LPP: variants seen among roughly 807,000 people sequenced by gnomAD.
LPP encodes the protein lipoma-preferred partner.
LPP carries 38 observed loss-of-function variants against 60.4 expected under a neutral mutation model. That is an observed-to-expected ratio of 0.63 (90% CI 0.49 to 0.83). The LOEUF is 0.83. Among genes scored for constraint, LPP ranks in the 40% least tolerant of loss-of-function variants. The pLI is 0.00. For synonymous variants in LPP, 328 were observed against 290.8 expected, an observed-to-expected ratio of 1.13 and a Z score of -1.30; for missense variants, 902 against 783.6, an observed-to-expected ratio of 1.15 and a Z score of -1.80.
chr3:188,259,507 C>A (rs1350023105), intron 2 of LPP, among the ~76,000 whole-genome samples: 1 of 152,224 alleles, frequency 6.6e-6, no homozygotes, highest in Non-Finnish European at 1.5e-5. Flanking sequence ...TTCCACACTG[C>A]ATTGAGCAGG....
chr3:188,462,582 ATATGCATGTGTGTGTG>A (rs1799321732), intron 4 of LPP, among the ~76,000 whole-genome samples: 1 of 42,370 alleles, frequency 2.4e-5, no homozygotes, highest in African/African-American at 7.7e-5. Context: ...ATATATATAT[ATATGCATGTGTGTGTG>A]TGTGTGTGTG....
intron 6 of LPP, among the ~76,000 whole-genome samples, chr3:188,537,412 T>C (rs1163402468): frequency 1.3e-5 from 2 of 152,230 alleles, no homozygotes; most frequent in African/African-American, 4.8e-5. Flanking sequence ...TTGAAAGTTG[T>C]GACTAATTAA....
intron 4 of LPP, among the ~76,000 whole-genome samples, chr3:188,483,677 G>A (rs1805463892): frequency 6.6e-6 from 1 of 152,040 alleles, no homozygotes; most frequent in Non-Finnish European, 1.5e-5. Flanking sequence ...CAATAACTCT[G>A]ACAGCAGTGT....
chr3:188,441,950 G>A (rs1015504443), intron 4 of LPP, among the ~76,000 whole-genome samples: 1 of 151,940 alleles, frequency 6.6e-6, no homozygotes, highest in Non-Finnish European at 1.5e-5. Flanking sequence ...TTCTAATTGC[G>A]TATGTGTGTA....
chr3:188,363,490 T>C (rs775813191), intron 3 of LPP, among the ~76,000 whole-genome samples: 1 of 152,238 alleles, frequency 6.6e-6, no homozygotes, highest in Non-Finnish European at 1.5e-5. Flanking sequence ...GAGTTTCATA[T>C]TTCCATCAAG....
Position 188,889,500 on chromosome 3 carries a change from T to C in LPP, c.*15021T>C, listed in dbSNP as rs1453016245. 4 of 230,658 alleles carry C rather than the reference T, an allele frequency of 1.7e-5. No individual in the cohort carries two copies. The highest frequency in any genetic ancestry group is 6.1e-5 in the East Asian group (1 of 16,346). The allele number at this position is 230,658 out of a possible 1,614,324, so 14.3% of individuals were successfully genotyped here. ...TCAGTTGGCTCCATATTCACTTGAA[T>C]ATGCCTCTGTTTGGGCAAAGCAAGA... On this transcript the variant is annotated 3_prime_UTR_variant, in exon 12 of 12. Transcript: ENST00000617246.
Position 188,609,140 on chromosome 3 carries a change from T to G in LPP, c.430-21T>G, listed in dbSNP as rs746605649. The G allele has an allele frequency of 3.9e-6, 6 of 1,541,134 alleles. No individual in the cohort carries two copies. Among genetic ancestry groups the G allele is most frequent in the Non-Finnish European group, 5.3e-6 (6 of 1,142,816 alleles). ...AGTAATTTTTGCTTTCTTTCTTTCT[T>G]TTTTTTCCTATTCTTTTTAGAGCTC... On this transcript the variant is annotated intron_variant, in intron 6 of 11. Coordinates refer to ENST00000617246, the MANE Select transcript of LPP (RefSeq NM_001375462.1). This position sits in a 1 kb window ranked among gnomAD's most constrained non-coding sequence, Gnocchi z 6.9.
At chr3:188,357,389 A>G (rs993575146) in intron 3 of LPP, among the ~76,000 whole-genome samples, 4 of 152,192 alleles carry the variant, frequency 2.6e-5, no homozygotes, top group Non-Finnish European at 5.9e-5. Flanking sequence ...GAAGGGAGAG[A>G]GTGGTTACGT....
At chr3:188,553,999 G>A (rs565549843) in intron 6 of LPP, 1 of 152,314 alleles carries the variant, frequency 6.6e-6, no homozygotes, top group East Asian at 1.9e-4. Flanking sequence ...GGGGATAAAA[G>A]GGGGTGCATT....
At chr3:188,621,000 T>C (rs1368745453) in intron 7 of LPP, among the ~76,000 whole-genome samples, 6 of 152,164 alleles carry the variant, frequency 3.9e-5, no homozygotes, top group African/African-American at 9.7e-5. Flanking sequence ...TGGAACCACA[T>C]AGAGTTCCTA....
chr3:188,424,955 G>A (rs1352243957), intron 4 of LPP, among the ~76,000 whole-genome samples: 1 of 152,120 alleles, frequency 6.6e-6, no homozygotes, highest in Non-Finnish European at 1.5e-5. Flanking sequence ...TTGCCTGATT[G>A]CCCTGACCAG....
intron 8 of LPP, chr3:188,711,300 AT>A (rs1220207503): frequency 6.6e-6 from 1 of 152,164 alleles, no homozygotes. Flanking sequence ...GAATTAACTC[AT>A]TTCACTCTTA....
At chr3:188,496,592 C>T (rs1303105821) in intron 5 of LPP, among the ~76,000 whole-genome samples, 5 of 152,122 alleles carry the variant, frequency 3.3e-5, no homozygotes, top group Admixed American at 6.5e-5. Flanking sequence ...ATTAACTGTC[C>T]CAGGCAGGGA....
intron 5 of LPP, among the ~76,000 whole-genome samples, chr3:188,502,370 CT>C (rs1278748674): frequency 6.6e-6 from 1 of 152,106 alleles, no homozygotes; most frequent in African/African-American, 2.4e-5. Context: ...TTCTTCATCT[CT>C]TTTTTGTCTT....
intron 7 of LPP, among the ~76,000 whole-genome samples, chr3:188,670,655 C>A (rs901466728): frequency 6.6e-6 from 1 of 152,294 alleles, no homozygotes; most frequent in African/African-American, 2.4e-5. Context: ...ACTTCCTCTT[C>A]CACTGTATAA....
At chr3:188,233,894 C>T (rs7635735) in intron 2 of LPP, among the ~76,000 whole-genome samples, 2,523 of 152,086 alleles carry the variant, frequency 0.017, 63 homozygotes, top group African/African-American at 0.055. Context: ...TGTGTGTAGC[C>T]GCTGCTCACC....
At position 188,811,351 on chromosome 3, in the gene LPP, TACACACACAC is replaced by T. The variant is rs58445393; in HGVS notation, c.1410+51094_1410+51103del. ...AGCGAGAAAATGATTAAGTGCTGTA[TACACACACAC>T]ACACACACACACACACACACACACG... is the stretch of plus-strand genomic sequence containing the variant. On this transcript the variant is annotated intron_variant, in intron 9 of 11. Coordinates refer to ENST00000617246, the MANE Select transcript of LPP (RefSeq NM_001375462.1). Among the ~76,000 whole-genome samples the T allele has an allele frequency of 8.0e-4, 116 of 144,982 alleles. 1 individual carries two copies. The highest frequency in any genetic ancestry group is 3.4e-3 in the Middle Eastern group (1 of 290).
chr3:188,746,347 G>C, intron 8 of LPP: 1 of 421,720 alleles, frequency 2.4e-6, no homozygotes, highest in South Asian at 1.8e-5. Flanking sequence ...GTTGTAACAG[G>C]GGGCAGAAAA....
intron 2 of LPP, among the ~76,000 whole-genome samples, chr3:188,295,020 C>T (rs943041638): frequency 6.6e-6 from 1 of 152,188 alleles, no homozygotes; most frequent in Non-Finnish European, 1.5e-5. Context: ...CCATCAGGGT[C>T]ATTGTCCCAC....
Sources: gnomAD v4.1 joint callset for allele counts (sites outside exome capture counted in the v4.1 genomes callset) on GRCh38, gnomAD v4.1.1 for gene constraint, Gnocchi (gnomAD v3.1) non-coding constraint, MANE v1.5 for transcripts, NCBI Gene and HGNC (gene_info 2026-07-23, HGNC 2026-07-21) for gene names.